The following ZFX variants were observed in gnomAD, a reference collection of about 807,000 sequenced individuals.
The protein encoded by ZFX is zinc finger protein X-linked.
For synonymous variants in ZFX, 196 were observed against 226.8 expected (o/e 0.86, Z 1.22); for missense variants, 362 against 628.3 (o/e 0.58, Z 4.53).
chrX:24,202,452 A>AT (rs770490076), intron 5 of ZFX, among the ~76,000 whole-genome samples: 1 of 111,696 alleles, frequency 9.0e-6, no homozygotes, highest in East Asian at 2.8e-4. Context: ...CACTCCACTG[A>AT]TTTTAACCAA....
At chrX:24,151,938 G>C in intron 2 of ZFX, 138 bp downstream of exon 2, 1 of 111,886 alleles carries the variant, frequency 8.9e-6, no homozygotes, top group East Asian at 2.8e-4. Flanking sequence ...CTTTTGGAAC[G>C]ATGCGTCTCT....
chrX:24,193,650 A>G (rs780880677), intron 5 of ZFX, among the ~76,000 whole-genome samples: 1 of 112,230 alleles, frequency 8.9e-6, no homozygotes, highest in African/African-American at 3.2e-5. Flanking sequence ...TTTTCTATTT[A>G]CTAAAGGTCC....
chrX:24,191,186 T>C (rs941815960), intron 5 of ZFX, among the ~76,000 whole-genome samples: 1 of 111,891 alleles, frequency 8.9e-6, no homozygotes, highest in African/African-American at 3.3e-5. Flanking sequence ...TATTTTTCAT[T>C]ACTTAGGTCT....
chrX:24,188,998 T>G, intron 5 of ZFX, among the ~76,000 whole-genome samples: 1 of 111,167 alleles, frequency 9.0e-6, no homozygotes, highest in Non-Finnish European at 1.9e-5. Flanking sequence ...CCACCACACC[T>G]GACTAATTTT....
At chrX:24,190,243 TCA>T (rs1936443079) in intron 5 of ZFX, among the ~76,000 whole-genome samples, 3 of 111,557 alleles carry the variant, frequency 2.7e-5, no homozygotes, top group African/African-American at 9.8e-5. Flanking sequence ...AAATCTGTTC[TCA>T]GTGATTTTCA....
rs758240553 is a variant in ZFX, at chrX:24,160,065, G to GT, written c.-29+7236dup. Among the ~76,000 whole-genome samples the GT allele has an allele frequency of 3.8e-3, 420 of 110,471 alleles. 1 individual carries two copies. The highest frequency in any genetic ancestry group is 0.013 in the African/African-American group (402 of 30,512). On this transcript the variant is annotated intron_variant, in intron 3 of 9. Coordinates refer to ENST00000304543, the MANE Select transcript of ZFX (RefSeq NM_003410.4). ...CCTTTTTTTCTGATCAGTATTGCCA[G>GT]TAACTGCCTTTATTATTGGATTTTT...
intron 3 of ZFX, among the ~76,000 whole-genome samples, chrX:24,169,769 T>C (rs1934389123): frequency 9.1e-6 from 1 of 110,013 alleles, no homozygotes; most frequent in Non-Finnish European, 1.9e-5. Context: ...TAGGAATCAT[T>C]GTTGTGGAAA....
chrX:24,190,822 C>T (rs185232697), intron 5 of ZFX, among the ~76,000 whole-genome samples: 1 of 112,535 alleles, frequency 8.9e-6, no homozygotes, highest in Admixed American at 9.4e-5. Flanking sequence ...CTCTGCTACT[C>T]ATTAGCTGAA....
chrX:24,182,761 T>C (rs1024716756), intron 5 of ZFX, among the ~76,000 whole-genome samples: 1 of 110,480 alleles, frequency 9.1e-6, no homozygotes. Flanking sequence ...GTTTATAGAC[T>C]TAAGGGAAAA....
intron 5 of ZFX, among the ~76,000 whole-genome samples, chrX:24,187,065 T>C (rs1163932985): frequency 2.7e-5 from 3 of 112,079 alleles, no homozygotes; most frequent in Non-Finnish European, 5.6e-5. Context: ...ATAAATGATA[T>C]CTATGTGCCG....
At chrX:24,187,948 C>T (rs751519200) in intron 5 of ZFX, among the ~76,000 whole-genome samples, 22 of 111,292 alleles carry the variant, frequency 2.0e-4, no homozygotes, top group African/African-American at 3.6e-4. Flanking sequence ...CCGAGGCAGG[C>T]GGATCACGAG....
At chrX:24,183,913 C>T (rs1388565503) in intron 5 of ZFX, among the ~76,000 whole-genome samples, 3 of 109,408 alleles carry the variant, frequency 2.7e-5, no homozygotes, top group Non-Finnish European at 5.7e-5. Context: ...TGCCACCATG[C>T]CCAGCTAATT....
At chrX:24,172,078 A>C (rs1353450463) in intron 3 of ZFX, among the ~76,000 whole-genome samples, 1 of 111,824 alleles carries the variant, frequency 8.9e-6, no homozygotes, top group Non-Finnish European at 1.9e-5. Flanking sequence ...TGGCCAGGAG[A>C]ATATAAATAC....
At chrX:24,179,100 C>A in intron 4 of ZFX, 83 bp from the exon 5 acceptor site, 1 of 848,627 alleles carries the variant, frequency 1.2e-6, no homozygotes, top group Non-Finnish European at 1.7e-6. Context: ...AATCTGTTTT[C>A]CCAGTAGAAA....
intron 3 of ZFX, among the ~76,000 whole-genome samples, chrX:24,163,156 A>T (rs1933543374): frequency 9.7e-6 from 1 of 102,854 alleles, no homozygotes; most frequent in African/African-American, 3.5e-5. Context: ...TTGACCTATT[A>T]ATTTGGGCCA....
chrX:24,208,070 T>C lies in ZFX; in HGVS notation c.941-148T>C, dbSNP rs1937734615. On this transcript the variant is annotated intron_variant, in intron 7 of 9. Transcript: ENST00000304543. ...AATGATTCATTCAACAAATATGTATTGAGTGCTTACTACGTGAAAGCTATG... is the reference window on the plus strand; with the variant it reads ...AATGATTCATTCAACAAATATGTATCGAGTGCTTACTACGTGAAAGCTATG... The C allele has an allele frequency of 8.5e-5, 73 of 859,142 alleles. No homozygotes were observed. The South Asian group carries it at 1.8e-3, about 22-fold the overall frequency. 70.8% of individuals were successfully genotyped at this position (859,142 alleles called of 1,213,427 possible).
intron 6 of ZFX, 93 bp downstream of exon 6, chrX:24,207,568 C>T: frequency 8.8e-7 from 1 of 1,133,446 alleles, no homozygotes; most frequent in Non-Finnish European, 1.2e-6. Flanking sequence ...TTTGGAGTCT[C>T]TTCTGAAGTA....
intron 5 of ZFX, among the ~76,000 whole-genome samples, chrX:24,188,214 G>A (rs986220343): frequency 9.1e-6 from 1 of 109,820 alleles, no homozygotes; most frequent in African/African-American, 3.3e-5. Context: ...TACGCTTGAG[G>A]GAGACAAATG....
chrX:24,199,443 T>G (rs1045982643), intron 5 of ZFX, among the ~76,000 whole-genome samples: 8 of 109,364 alleles, frequency 7.3e-5, no homozygotes, highest in African/African-American at 2.7e-4. Flanking sequence ...TTTGTAGAGA[T>G]AAGGGTCTCG....
Sources: gnomAD v4.1 joint callset for allele counts (sites outside exome capture counted in the v4.1 genomes callset) on GRCh38, gnomAD v4.1.1 for gene constraint, MANE v1.5 for transcripts, NCBI Gene and HGNC (gene_info 2026-07-23, HGNC 2026-07-21) for gene names.